Variants in PPME1 observed in about 807,000 individuals in gnomAD.
PPME1 encodes protein phosphatase methylesterase 1, also known as testicular secretory protein Li 39.
PPME1 carries 17 observed loss-of-function variants against 56.9 expected under a neutral mutation model. The observed-to-expected ratio is 0.30, with a 90% CI of 0.20 to 0.45. The LOEUF is 0.45. PPME1 is among the 20% of genes least tolerant of loss of function. The pLI, the probability that PPME1 is intolerant of heterozygous loss-of-function variation, is 1.00. For synonymous variants in PPME1, 122 were observed against 156.2 expected (o/e 0.78, Z 1.63); for missense variants, 357 against 483.2 (o/e 0.74, Z 2.45).
In PPME1 at chr11:74,203,744, G is replaced by C. The variant is rs1208337187; in HGVS notation, c.118G>C (p.Asp40His). 5 of 1,611,086 alleles carry C rather than the reference G, an allele frequency of 3.1e-6. No homozygotes were observed. The highest frequency in any genetic ancestry group is 4.2e-6 in the Non-Finnish European group (5 of 1,178,652). ...TTTCCTCAGCCCTGGAAGAAAGCGG[G>C]ACTTTTCCCCTGTTCCTTGGAGTCA... ...KMRMGPGRKR[D>H]FSPVPWSQYF... is the part of the protein sequence containing the mutation. Residue 40 changes from aspartate (D) to histidine (H), a missense_variant, in exon 2 of 14, where the codon GAC becomes CAC. By Grantham distance (81) the Asp-to-His change is moderately conservative. Transcript: ENST00000328257.
chr11:74,252,684 C>G (rs1298376261), intron 13 of PPME1: 3 of 357,576 alleles, frequency 8.4e-6, no homozygotes, highest in Non-Finnish European at 1.7e-5. Context: ...ACAGTAGTAC[C>G]CCTCCCACAC....
At chr11:74,236,261 T>G (rs927748806) in intron 8 of PPME1, among the ~76,000 whole-genome samples, 1 of 152,194 alleles carries the variant, frequency 6.6e-6, no homozygotes, top group African/African-American at 2.4e-5. Context: ...TTACAAATTA[T>G]GTTAACCTTA....
intron 7 of PPME1, among the ~76,000 whole-genome samples, chr11:74,232,605 TAAC>T (rs947774354): frequency 2.0e-5 from 3 of 152,050 alleles, no homozygotes; most frequent in African/African-American, 4.8e-5. Context: ...GCTTCCGCAG[TAAC>T]AACAAGTGAG....
At chr11:74,251,284 C>T in intron 12 of PPME1, 2 of 1,360,602 alleles carry the variant, frequency 1.5e-6, no homozygotes, top group Non-Finnish European at 9.4e-7. Flanking sequence ...TTCTCCAATA[C>T]CCCCAAAAGC....
At chr11:74,204,239 T>TA in intron 2 of PPME1, 114 bp from the exon 3 acceptor site, 1 of 747,648 alleles carries the variant, frequency 1.3e-6, no homozygotes, top group Non-Finnish European at 2.2e-6. Context: ...TTACATCTCT[T>TA]ACATTTGGCA....
intron 3 of PPME1, among the ~76,000 whole-genome samples, chr11:74,219,218 C>T (rs1259326453): frequency 6.6e-6 from 1 of 150,964 alleles, no homozygotes; most frequent in African/African-American, 2.4e-5. Flanking sequence ...GGCTTTTATG[C>T]AAAAGACAGG....
At chr11:74,175,054 A>G (rs373267165) in intron 1 of PPME1, among the ~76,000 whole-genome samples, 6 of 152,346 alleles carry the variant, frequency 3.9e-5, no homozygotes, top group African/African-American at 1.4e-4. Context: ...TACTCTGACT[A>G]AAGTAGATTT....
intron 3 of PPME1, among the ~76,000 whole-genome samples, chr11:74,219,513 T>C (rs1365401130): frequency 6.6e-6 from 1 of 152,096 alleles, no homozygotes; most frequent in Non-Finnish European, 1.5e-5. Flanking sequence ...AGTAGATGAA[T>C]GGATAAGGAA....
intron 1 of PPME1, 147 bp downstream of exon 1, chr11:74,171,669 C>T (rs1007005907): frequency 1.9e-6 from 2 of 1,066,588 alleles, no homozygotes; most frequent in African/African-American, 3.2e-5. Flanking sequence ...GAGTAGAAGG[C>T]AGATTGGGGT....
chr11:74,223,462 G>A (rs7121815), intron 4 of PPME1, among the ~76,000 whole-genome samples: 102,448 of 134,112 alleles, frequency 0.76, 40,172 homozygotes, highest in African/African-American at 0.87. Flanking sequence ...ATACCCAGTA[G>A]TGGGATGGCT....
chr11:74,238,278 G>A (rs898210406), intron 8 of PPME1: 2 of 151,942 alleles, frequency 1.3e-5, no homozygotes, highest in Non-Finnish European at 2.9e-5. Flanking sequence ...ACACTTCACT[G>A]AAGGTTTGGC....
intron 3 of PPME1, among the ~76,000 whole-genome samples, chr11:74,207,274 T>C (rs1441471294): frequency 6.6e-6 from 1 of 152,246 alleles, no homozygotes; most frequent in Non-Finnish European, 1.5e-5. Context: ...CATAATTCTA[T>C]AAAATCCTTG....
At chr11:74,220,854 G>A (rs576865006) in intron 3 of PPME1, among the ~76,000 whole-genome samples, 30 of 152,272 alleles carry the variant, frequency 2.0e-4, no homozygotes, top group African/African-American at 7.2e-4. Flanking sequence ...AAGATCTGGA[G>A]TAGCTACCAT....
chr11:74,194,368 A>C (rs542532948), intron 1 of PPME1, among the ~76,000 whole-genome samples: 4 of 124,726 alleles, frequency 3.2e-5, no homozygotes, highest in Admixed American at 2.1e-4. Flanking sequence ...TTCTGTGTGC[A>C]TCGCAAAACT....
intron 3 of PPME1, among the ~76,000 whole-genome samples, chr11:74,208,035 C>T (rs1037453648): frequency 9.9e-5 from 15 of 152,180 alleles, no homozygotes; most frequent in African/African-American, 3.6e-4. Context: ...ACTTCAGGGT[C>T]CGGCATGGTG....
At chr11:74,188,709 T>C (rs1397099039) in intron 1 of PPME1, among the ~76,000 whole-genome samples, 5 of 152,242 alleles carry the variant, frequency 3.3e-5, no homozygotes, top group African/African-American at 1.2e-4. Context: ...TGTGCTACCA[T>C]TAAAAATAAC....
intron 7 of PPME1, among the ~76,000 whole-genome samples, chr11:74,235,350 C>T (rs746085786): frequency 6.6e-6 from 1 of 152,026 alleles, no homozygotes; most frequent in African/African-American, 2.4e-5. Context: ...TATTCTGTCA[C>T]GCTCCCCTTT....
In PPME1 at chr11:74,203,743, G is replaced by A. The variant is rs2135623851; in HGVS notation, c.117G>A (p.Arg39=). The change falls in exon 2 of 14, where the codon CGG becomes CGA. Residue 39 remains arginine, a synonymous_variant. Coordinates refer to ENST00000328257, the MANE Select transcript of PPME1 (RefSeq NM_016147.3). ...TTTTCCTCAGCCCTGGAAGAAAGCG[G>A]GACTTTTCCCCTGTTCCTTGGAGTC... ...AKMRMGPGRK[R]DFSPVPWSQY... is the part of the protein sequence containing the mutation. 6.2e-7 allele frequency: 1 copy of A among 1,610,836 alleles called. No individual in the cohort carries two copies. Among genetic ancestry groups the A allele is most frequent in the African/African-American group, 1.3e-5 (1 of 74,840 alleles).
chr11:74,186,247 T>C (rs1303615163), intron 1 of PPME1, among the ~76,000 whole-genome samples: 1 of 152,172 alleles, frequency 6.6e-6, no homozygotes, highest in Non-Finnish European at 1.5e-5. Flanking sequence ...ATCATGATCA[T>C]AATAGTTCTA....
Sources: allele counts gnomAD v4.1 joint callset (sites outside exome capture counted in the v4.1 genomes callset), GRCh38; gene constraint gnomAD v4.1.1; transcripts MANE v1.5; gene names NCBI Gene and HGNC (gene_info 2026-07-23, HGNC 2026-07-21).